CELSR2: variants seen among roughly 807,000 people sequenced by gnomAD.
CELSR2 encodes EGF-like protein 2.
Under a neutral mutation model 251.6 loss-of-function variants are expected in CELSR2, and 81 were observed. The ratio of observed to expected loss-of-function variants is 0.32; its 90% CI spans 0.27 to 0.39. The LOEUF is 0.39. CELSR2 is among the 10% of genes least tolerant of loss of function. CELSR2 has a pLI of 1.00. For missense variants in CELSR2, 3,365 were observed against 3,947.7 expected, an observed-to-expected ratio of 0.85 and a Z score of 3.96; for synonymous variants, 1,721 against 1,670.5, an observed-to-expected ratio of 1.03 and a Z score of -0.74.
At chr1:109,265,654 A>G in intron 13 of CELSR2, 81 bp from the exon 14 acceptor site, 3 of 1,524,102 alleles carry the variant, frequency 2.0e-6, no homozygotes, top group Non-Finnish European at 2.7e-6. Context: ...CCCTCTCCAC[A>G]GGGGCCACAG....
rs1656022432 is a variant in CELSR2 at position 109,261,574 on chromosome 1, G to A, written c.4243G>A (p.Asp1415Asn). Residue 1415 changes from aspartate (D) to asparagine (N), a missense_variant, in exon 4 of 34, where the codon GAC (aspartate) becomes AAC (asparagine). Asp to Asn is a conservative substitution (Grantham distance 23, BLOSUM62 1). Coordinates refer to ENST00000271332, the MANE Select transcript of CELSR2 (RefSeq NM_001408.3). The surrounding 1 kb of genome is among the most constrained non-coding windows in gnomAD (Gnocchi z 4.8). The part of the protein sequence containing the change: ...LYNGRFNEKH[D>N]FVALEVIQEQ... ...CAATGGGCGTTTCAATGAGAAGCAT[G>A]ACTTTGTGGCCCTCGAGGTGATCCA... 6.2e-7 allele frequency: 1 copy of A among 1,614,084 alleles called. No individual in the cohort carries two copies.
intron 31 of CELSR2, 22 bp from the exon 32 acceptor site, chr1:109,273,144 A>G (rs373925745): frequency 1.9e-6 from 3 of 1,608,946 alleles, no homozygotes; most frequent in African/African-American, 2.7e-5. Flanking sequence ...TGTGGGCCTC[A>G]TCTACTTCCT....
Position 109,267,631 on chromosome 1 carries a change from C to T in CELSR2, c.6097C>T (p.Leu2033=), listed in dbSNP as rs377436267. 1.9e-6 allele frequency: 3 copies of T among 1,614,116 alleles called. No homozygotes were observed. The highest frequency in any genetic ancestry group is 1.3e-5 in the African/African-American group (1 of 74,938). Residue 2033 remains leucine (L), a synonymous_variant, in exon 16 of 34, where the codon CTG becomes TTG. Coordinates refer to ENST00000271332, the MANE Select transcript of CELSR2 (RefSeq NM_001408.3). ...FNCTSITFSE[L]KGFAERLQRN... is the part of the protein sequence containing the mutation. ...CTGCACGTCCATCACCTTCTCAGAACTGAAGGGCTTCGTAAGTGAACCCCC... is the reference window on the plus strand; with the variant it reads ...CTGCACGTCCATCACCTTCTCAGAATTGAAGGGCTTCGTAAGTGAACCCCC...
rs1414349989 is a variant in CELSR2 at position 109,261,629 on chromosome 1, G to C, written c.4297+1G>C. 5 of 1,611,532 alleles carry C rather than the reference G, an allele frequency of 3.1e-6. No homozygotes were observed. Among genetic ancestry groups the C allele is most frequent in the Non-Finnish European group, 4.2e-6 (5 of 1,177,656 alleles). ...CAGGTCCAGCTCACCTTCTCTGCAG[G>C]TGATCACAGTTGCCCCCCATCCTTG... On this transcript the variant is annotated splice_donor_variant, in intron 4 of 33. Coordinates refer to ENST00000271332, the MANE Select transcript of CELSR2 (RefSeq NM_001408.3). LOFTEE classifies it high-confidence loss of function. The surrounding 1 kb of genome is among the most constrained non-coding windows in gnomAD (Gnocchi z 4.8).
chr1:109,259,202 A>G, intron 2 of CELSR2, 123 bp downstream of exon 2: 4 of 889,624 alleles, frequency 4.5e-6, no homozygotes, highest in Non-Finnish European at 6.7e-6. Context: ...AGCTACACTG[A>G]GAGGTCATAA....
Position 109,251,558 on chromosome 1 carries a change from A to G in CELSR2, c.1479A>G (p.Val493=). ...PLSNVSGLVT[V]QVLDINDNAP... ...CTAATGTCTCTGGCTTGGTGACAGT[A>G]CAGGTCCTGGATATCAACGACAATG... is the stretch of plus-strand genomic sequence containing the variant. Residue 493 remains valine, a synonymous_variant, in exon 1 of 34, where the codon GTA becomes GTG. Coordinates refer to ENST00000271332, the MANE Select transcript of CELSR2 (RefSeq NM_001408.3). This position sits in a 1 kb window ranked among gnomAD's most constrained non-coding sequence, Gnocchi z 4.9. 6.2e-7 allele frequency: 1 copy of G among 1,613,698 alleles called. No homozygotes were observed. Among genetic ancestry groups the G allele is most frequent in the Non-Finnish European group, 8.5e-7 (1 of 1,180,000 alleles).
intron 33 of CELSR2, 95 bp downstream of exon 33, chr1:109,273,765 T>C (rs1656445886): frequency 1.8e-6 from 2 of 1,096,724 alleles, no homozygotes; most frequent in African/African-American, 1.6e-5. Flanking sequence ...TGACTCTGGA[T>C]GGCATTTGGA....
In CELSR2 at chr1:109,268,965, G is replaced by A. The variant is rs562694493; in HGVS notation, c.6588G>A (p.Pro2196=). The A allele has an allele frequency of 4.1e-4, 667 of 1,613,556 alleles. 6 individuals carry two copies. In the South Asian group the frequency reaches 6.7e-3, roughly 16 times the overall value. Residue 2196 remains proline, a synonymous_variant, in exon 19 of 34, where the codon CCG becomes CCA. Transcript: ENST00000271332. The stretch of plus-strand genomic sequence containing the variant: ...AGGCCCTGCGTGGGGAGCAGCCCCC[G>A]GACCTTGAGACAACAGTCATTCTGC... ...RYEALRGEQP[P]DLETTVILPE...
Position 109,261,314 on chromosome 1 carries a change from G to A in CELSR2, c.4181+50G>A. ...GGGAGTGGGCCTGGTGGGCATCTGA[G>A]GTGCCTCCTGTTCTGTGGTTGAAGT... On this transcript the variant is annotated intron_variant, in intron 3 of 33. Transcript: ENST00000271332. The surrounding 1 kb of genome is among the most constrained non-coding windows in gnomAD (Gnocchi z 4.8). The A allele has an allele frequency of 6.4e-7, 1 of 1,555,056 alleles. No individual in the cohort carries two copies. The highest frequency in any genetic ancestry group is 1.1e-5 in the South Asian group (1 of 88,022).
chr1:109,252,688 C>T lies in CELSR2; in HGVS notation c.2609C>T (p.Ser870Leu). The T allele has an allele frequency of 1.9e-6, 3 of 1,614,026 alleles. No individual in the cohort carries two copies. Among genetic ancestry groups the T allele is most frequent in the Non-Finnish European group, 2.5e-6 (3 of 1,180,034 alleles). The part of the protein sequence containing the change: ...GDGDFIVEST[S>L]GIVRTLRRLD... ...GGTGACTTTATTGTTGAGTCCACGT[C>T]AGGCATCGTGCGAACGCTACGGAGG... The change falls in exon 1 of 34, where the codon TCA becomes TTA. Residue 870 changes from serine (S) to leucine (L), a missense_variant. Ser to Leu is a moderately radical substitution (Grantham distance 145). Around this residue, in one of 5 missense-constraint regions of CELSR2, gnomAD observed 505 missense variants for 660.0 expected, o/e 0.77. Transcript: ENST00000271332. This position sits in a 1 kb window ranked among gnomAD's most constrained non-coding sequence, Gnocchi z 4.8.
chr1:109,258,335 C>G, intron 1 of CELSR2, 97 bp from the exon 2 acceptor site: 1 of 834,754 alleles, frequency 1.2e-6, no homozygotes, highest in Non-Finnish European at 1.8e-6. Flanking sequence ...CACCCTTATG[C>G]CAGTTGGAAA....
intron 25 of CELSR2, 71 bp downstream of exon 25, chr1:109,271,110 G>A (rs560807543): frequency 1.8e-5 from 27 of 1,507,984 alleles, no homozygotes; most frequent in Admixed American, 8.4e-5. Flanking sequence ...CTGGGGCCGC[G>A]TGTCCTCAGG....
At position 109,261,690 on chromosome 1, in the gene CELSR2, G is replaced by T. The variant is rs779018884; in HGVS notation, c.4297+62G>T. 1.3e-5 allele frequency: 20 copies of T among 1,565,242 alleles called. No homozygotes were observed. The highest frequency in any genetic ancestry group is 1.4e-5 in the Non-Finnish European group (16 of 1,137,306). On this transcript the variant is annotated intron_variant, in intron 4 of 33. Coordinates refer to ENST00000271332, the MANE Select transcript of CELSR2 (RefSeq NM_001408.3). The surrounding 1 kb of genome is among the most constrained non-coding windows in gnomAD (Gnocchi z 4.8). The stretch of plus-strand genomic sequence containing the variant: ...AAAGGCCCCAAGTCTTCCAGCCCCT[G>T]ACCCCAAGCCACATACTCTATCAGC...
At position 109,259,187 on chromosome 1, in the gene CELSR2, G is replaced by C. The variant is rs552796090; in HGVS notation, c.3958+108G>C. Reference sequence around the variant, plus strand: ...GCTGCCTCATTCTCTTCCCGAGTGAGGTGCAGCTACACTGAGAGGTCATAA... The same window carrying C: ...GCTGCCTCATTCTCTTCCCGAGTGACGTGCAGCTACACTGAGAGGTCATAA... On this transcript the variant is annotated intron_variant, in intron 2 of 33. Transcript: ENST00000271332. The C allele has an allele frequency of 1.3e-4, 125 of 993,736 alleles. No individual in the cohort carries two copies. The South Asian group carries it at 2.0e-3, about 16-fold the overall frequency. The allele number at this position is 993,736 out of a possible 1,614,324, so 61.6% of individuals were successfully genotyped here. A position where few individuals can be genotyped will look rare whatever the true frequency, so the allele number is the denominator to read the frequency against.
chr1:109,264,404 C>T (rs45620135), intron 10 of CELSR2, 39 bp downstream of exon 10: 1 of 1,597,540 alleles, frequency 6.3e-7, no homozygotes, highest in Non-Finnish European at 8.6e-7. Flanking sequence ...CCTCCCCCAC[C>T]ACCTGCAGCC....
Position 109,250,303 on chromosome 1 carries a change from C to T in CELSR2, c.224C>T (p.Ala75Val), listed in dbSNP as rs1333355339. The T allele has an allele frequency of 6.8e-6, 11 of 1,613,304 alleles. No homozygotes were observed. The highest frequency in any genetic ancestry group is 9.3e-6 in the Non-Finnish European group (11 of 1,180,010). Residue 75 changes from alanine to valine, a missense_variant, in exon 1 of 34, where the codon GCG (alanine) becomes GTG (valine). Coordinates refer to ENST00000271332, the MANE Select transcript of CELSR2 (RefSeq NM_001408.3). The surrounding 1 kb of genome is among the most constrained non-coding windows in gnomAD (Gnocchi z 4.4). ...LWLYTSRCRDAGTELTGHLVP... is the reference protein window; with the variant it reads ...LWLYTSRCRDVGTELTGHLVP... ...CTCTACACCAGCCGCTGCAGGGATGCGGGCACTGAGCTGACTGGCCACCTG... is the reference window on the plus strand; with the variant it reads ...CTCTACACCAGCCGCTGCAGGGATGTGGGCACTGAGCTGACTGGCCACCTG...
chr1:109,272,715 A>C lies in CELSR2; in HGVS notation c.8130A>C (p.Gln2710His). The C allele has an allele frequency of 6.2e-7, 1 of 1,613,636 alleles. No individual in the cohort carries two copies. ...GDPGSLFLEG[Q>H]DQQHDPDTDS... ...CAGGCAGCCTGTTCCTGGAAGGTCA[A>C]GACCAGCAGCATGGTGAGGACAGAA... The change falls in exon 30 of 34, where the codon CAA becomes CAC. Residue 2710 changes from glutamine to histidine, a missense_variant. Gln to His is a conservative substitution (Grantham distance 24). Around this residue, in one of 5 missense-constraint regions of CELSR2, gnomAD observed 2,093 missense variants for 2,382.8 expected, o/e 0.88. Coordinates refer to ENST00000271332, the MANE Select transcript of CELSR2 (RefSeq NM_001408.3).
intron 14 of CELSR2, 78 bp downstream of exon 14, chr1:109,265,996 C>G (rs1656176220): frequency 1.9e-6 from 3 of 1,581,488 alleles, no homozygotes; most frequent in South Asian, 2.3e-5. Context: ...CAGGAAGGGG[C>G]TGGTTGCAGG....
Position 109,270,761 on chromosome 1 carries a change from C to A in CELSR2, c.7483+161C>A. On this transcript the variant is annotated intron_variant, in intron 24 of 33. Coordinates refer to ENST00000271332, the MANE Select transcript of CELSR2 (RefSeq NM_001408.3). ...TGGTTTAACCCAGACTCTGCAGCCG[C>A]CACCCAGGCGTCACTCCCTTATCCT... The A allele has an allele frequency of 1.9e-6, 2 of 1,060,242 alleles. 1 individual carries two copies. The highest frequency in any genetic ancestry group is 2.9e-5 in the South Asian group (2 of 67,858). 65.7% of individuals were successfully genotyped at this position (1,060,242 alleles called of 1,614,324 possible).
Sources: gnomAD v4.1 joint callset for allele counts on GRCh38, gnomAD v4.1.1 for gene constraint, gnomAD v4.1.1 regional missense constraint, Gnocchi (gnomAD v3.1) non-coding constraint, MANE v1.5 for transcripts, NCBI Gene and HGNC (gene_info 2026-07-23, HGNC 2026-07-21) for gene names.